ASZ1: variants seen among roughly 807,000 people sequenced by gnomAD.
ASZ1 encodes the protein ankyrin repeat, SAM and basic leucine zipper domain containing 1, also known as ankyrin repeat, SAM and basic leucine zipper domain-containing protein 1.
Under a neutral mutation model 61.8 loss-of-function variants are expected in ASZ1, and 67 were observed. The ratio of observed to expected loss-of-function variants is 1.08; its 90% confidence interval spans 0.89 to 1.33. The LOEUF (loss-of-function observed/expected upper bound fraction) is 1.33. ASZ1 is among the 40% of genes most tolerant of loss of function. The pLI is 0.00. For missense variants in ASZ1, 577 were observed against 554.5 expected (o/e 1.04, Z -0.41); for synonymous variants, 193 against 192.7 (o/e 1.00, Z -0.01).
chr7:117,398,503 T>C (rs960809005), intron 4 of ASZ1, among the ~76,000 whole-genome samples: 1 of 152,232 alleles, frequency 6.6e-6, no homozygotes, highest in Non-Finnish European at 1.5e-5. Flanking sequence ...ACAGCCACTA[T>C]AAAAGAGAGA....
At chr7:117,425,522 A>C (rs1347285321) in intron 2 of ASZ1, among the ~76,000 whole-genome samples, 5 of 150,234 alleles carry the variant, frequency 3.3e-5, no homozygotes, top group Non-Finnish European at 5.9e-5. Context: ...CCCGCCTTGG[A>C]CTCCCAAAGT....
intron 4 of ASZ1, among the ~76,000 whole-genome samples, chr7:117,411,250 G>A (rs991415907): frequency 3.3e-5 from 5 of 151,740 alleles, no homozygotes; most frequent in Admixed American, 3.3e-4. Context: ...ATAACCCTAA[G>A]ATATCTATCA....
At position 117,363,450 on chromosome 7, in the gene ASZ1, TAA is replaced by T; in HGVS notation, c.*144_*145del. On this transcript the variant is annotated 3_prime_UTR_variant, in exon 13 of 13. Transcript: ENST00000284629. ...TAAGTCAAAGTAACAAACCACTTTT[TAA>T]AAAAAAACTCCACATTGTCAAAATT... 1.7e-6 allele frequency: 1 copy of T among 582,330 alleles called. No homozygotes were observed. Among genetic ancestry groups the T allele is most frequent in the Non-Finnish European group, 2.6e-6 (1 of 391,908 alleles). 36.1% of individuals were successfully genotyped at this position (582,330 alleles called of 1,614,324 possible). A position where few individuals can be genotyped will look rare whatever the true frequency, so the allele number is the denominator to read the frequency against.
At chr7:117,409,445 C>T (rs1304327296) in intron 4 of ASZ1, among the ~76,000 whole-genome samples, 1 of 151,724 alleles carries the variant, frequency 6.6e-6, no homozygotes, top group African/African-American at 2.4e-5. Context: ...AATAAGGTGT[C>T]AGAAAAGTCC....
chr7:117,363,605 C>T lies in ASZ1; in HGVS notation c.1419G>A (p.Gln473=), dbSNP rs768603728. 1 of 1,594,910 alleles carries T rather than the reference C, an allele frequency of 6.3e-7. No individual in the cohort carries two copies. Among genetic ancestry groups the T allele is most frequent in the East Asian group, 2.3e-5 (1 of 44,300 alleles). The change falls in exon 13 of 13, where the codon CAG becomes CAA. Residue 473 remains glutamine (Q), a synonymous_variant. Transcript: ENST00000284629. ...AAAACAAATATTTGGATTATTTCCT[C>T]TGGAAAGTTAGCTTGCAAATGAAAA... ...FLLFICKLTF[Q]RK
intron 10 of ASZ1, among the ~76,000 whole-genome samples, chr7:117,371,375 T>A (rs984544599): frequency 6.6e-6 from 1 of 152,152 alleles, no homozygotes; most frequent in Non-Finnish European, 1.5e-5. Flanking sequence ...AACAGTTTTA[T>A]AAAATATAAA....
intron 4 of ASZ1, among the ~76,000 whole-genome samples, chr7:117,408,034 C>T (rs1358174712): frequency 1.3e-5 from 2 of 152,144 alleles, no homozygotes; most frequent in Non-Finnish European, 2.9e-5. Flanking sequence ...TCATGTTCAC[C>T]AACTCAAAAG....
chr7:117,407,565 C>G (rs913538770), intron 4 of ASZ1, among the ~76,000 whole-genome samples: 2 of 152,054 alleles, frequency 1.3e-5, no homozygotes, highest in Non-Finnish European at 2.9e-5. Context: ...ATTTAATTTG[C>G]AAATCAGGAG....
intron 4 of ASZ1, among the ~76,000 whole-genome samples, chr7:117,393,890 A>G (rs1220991516): frequency 6.6e-6 from 1 of 152,030 alleles, no homozygotes; most frequent in African/African-American, 2.4e-5. Context: ...TAATTTCATT[A>G]TTTTCTTCAA....
chr7:117,396,523 T>A (rs1226753020), intron 4 of ASZ1, among the ~76,000 whole-genome samples: 1 of 152,232 alleles, frequency 6.6e-6, no homozygotes, highest in Non-Finnish European at 1.5e-5. Context: ...TTCTGGCATC[T>A]ATTATAATGA....
intron 4 of ASZ1, among the ~76,000 whole-genome samples, chr7:117,418,287 T>C (rs951643141): frequency 6.6e-6 from 1 of 152,204 alleles, no homozygotes; most frequent in Non-Finnish European, 1.5e-5. Flanking sequence ...CATGTCCTAA[T>C]TCCAAGGTAT....
At chr7:117,397,562 T>G (rs570501135) in intron 4 of ASZ1, among the ~76,000 whole-genome samples, 1 of 152,332 alleles carries the variant, frequency 6.6e-6, no homozygotes, top group East Asian at 1.9e-4. Flanking sequence ...TTCAATTTTT[T>G]CAGAAGACGA....
At chr7:117,416,308 G>A (rs1470586982) in intron 4 of ASZ1, among the ~76,000 whole-genome samples, 1 of 152,198 alleles carries the variant, frequency 6.6e-6, no homozygotes, top group Admixed American at 6.5e-5. Context: ...TATATTGTCA[G>A]CACTCATGCT....
chr7:117,427,183 A>G (rs905773682), intron 1 of ASZ1, among the ~76,000 whole-genome samples, 173 bp downstream of exon 1: 1 of 152,172 alleles, frequency 6.6e-6, no homozygotes, highest in Non-Finnish European at 1.5e-5. Flanking sequence ...ACAGTTGGGG[A>G]GGGAACACGA....
intron 4 of ASZ1, among the ~76,000 whole-genome samples, chr7:117,402,703 C>T (rs1193106791): frequency 6.6e-6 from 1 of 152,100 alleles, no homozygotes; most frequent in East Asian, 1.9e-4. Flanking sequence ...AGGACTAATA[C>T]CCTATAAAGC....
At position 117,364,632 on chromosome 7, in the gene ASZ1, C is replaced by A. The variant is rs982007232; in HGVS notation, c.1276-884G>T. On this transcript the variant is annotated intron_variant, in intron 12 of 12. Coordinates refer to ENST00000284629, the MANE Select transcript of ASZ1 (RefSeq NM_130768.3). ...CTGTGCTGGAGTGATGACATAAATA[C>A]TTTCAACATCAGCAGGAATAATGAC... 2.0e-5 allele frequency among the ~76,000 whole-genome samples: 3 copies of A among 152,110 alleles called. No individual in the cohort carries two copies. The East Asian group carries it at 5.8e-4, about 29-fold the overall frequency.
At chr7:117,374,364 C>T (rs1197730811) in intron 10 of ASZ1, among the ~76,000 whole-genome samples, 13 of 151,990 alleles carry the variant, frequency 8.6e-5, no homozygotes, top group Non-Finnish European at 1.9e-4. Context: ...TAAAATTTGT[C>T]TACACAGTCA....
At chr7:117,380,263 A>AT (rs1223522281) in intron 9 of ASZ1, among the ~76,000 whole-genome samples, 12 of 151,864 alleles carry the variant, frequency 7.9e-5, no homozygotes, top group African/African-American at 2.2e-4. Context: ...ACTATAGTCA[A>AT]TTTTTTTGCA....
At chr7:117,392,439 C>G (rs6957425) in intron 4 of ASZ1, among the ~76,000 whole-genome samples, 5 of 151,790 alleles carry the variant, frequency 3.3e-5, no homozygotes, top group Non-Finnish European at 7.4e-5. Context: ...TTAATTATTT[C>G]ATTTTTTGCA....
Sources: allele counts gnomAD v4.1 joint callset (sites outside exome capture counted in the v4.1 genomes callset), GRCh38; gene constraint gnomAD v4.1.1; transcripts MANE v1.5; gene names NCBI Gene and HGNC (gene_info 2026-07-23, HGNC 2026-07-21).